The following PLEKHA2 variants were observed in gnomAD, a reference collection of about 807,000 sequenced individuals.
The protein encoded by PLEKHA2 is pleckstrin homology domain-containing family A member 2.
PLEKHA2 carries 28 observed loss-of-function variants against 53.2 expected under a neutral mutation model. That is an observed-to-expected ratio of 0.53 (90% CI 0.39 to 0.72). The LOEUF (loss-of-function observed/expected upper bound fraction) is 0.72, where lower values mean the gene tolerates loss of function less well. Among genes scored for constraint, PLEKHA2 ranks in the 30% least tolerant of loss-of-function variants. The pLI, the probability that PLEKHA2 is intolerant of heterozygous loss-of-function variation, is 0.00. For synonymous variants in PLEKHA2, 193 were observed against 196.4 expected, an observed-to-expected ratio of 0.98 and a Z score of 0.14; for missense variants, 426 against 537.9, an observed-to-expected ratio of 0.79 and a Z score of 2.06.
intron 10 of PLEKHA2, among the ~76,000 whole-genome samples, chr8:38,958,933 G>A (rs1311582515): frequency 6.6e-6 from 1 of 152,134 alleles, no homozygotes; most frequent in African/African-American, 2.4e-5. Context: ...GGAGCACAGG[G>A]GAGTTTGCAG....
intron 3 of PLEKHA2, among the ~76,000 whole-genome samples, chr8:38,942,886 T>C (rs1317463558): frequency 6.6e-6 from 1 of 152,106 alleles, no homozygotes; most frequent in Non-Finnish European, 1.5e-5. Flanking sequence ...CTGAGATATA[T>C]AGGAATGTTC....
At chr8:38,950,669 G>A in intron 5 of PLEKHA2, 181 bp from the exon 6 acceptor site, 1 of 635,022 alleles carries the variant, frequency 1.6e-6, no homozygotes. Context: ...TGTAGGGGGA[G>A]GGCGTTGCTG....
chr8:38,931,004 ATGG>A (rs777346058), intron 2 of PLEKHA2, among the ~76,000 whole-genome samples: 3 of 152,122 alleles, frequency 2.0e-5, no homozygotes, highest in Non-Finnish European at 2.9e-5. Flanking sequence ...GCCAGGAGAC[ATGG>A]TGGCCCATGC....
chr8:38,934,094 A>G (rs1024232529), intron 2 of PLEKHA2, among the ~76,000 whole-genome samples: 2 of 152,016 alleles, frequency 1.3e-5, no homozygotes, highest in Non-Finnish European at 2.9e-5. Context: ...CTCTTCCCTA[A>G]CACCCTGAGG....
chr8:38,911,415 T>G (rs1833952397), intron 1 of PLEKHA2, among the ~76,000 whole-genome samples: 1 of 152,062 alleles, frequency 6.6e-6, no homozygotes, highest in East Asian at 1.9e-4. Context: ...TTTTGTATTT[T>G]TAATGGAGAC....
intron 3 of PLEKHA2, among the ~76,000 whole-genome samples, chr8:38,937,631 C>T (rs1187905353): frequency 2.0e-5 from 3 of 152,164 alleles, no homozygotes; most frequent in South Asian, 4.1e-4. Flanking sequence ...GGTGACCTGC[C>T]GTTTAGCCCC....
intron 2 of PLEKHA2, among the ~76,000 whole-genome samples, chr8:38,928,605 G>A (rs1834331583): frequency 6.6e-6 from 1 of 152,062 alleles, no homozygotes; most frequent in Admixed American, 6.6e-5. Context: ...AAAGGGAATG[G>A]GGGTGTGGCT....
chr8:38,952,770 C>T lies in PLEKHA2; in HGVS notation c.702+66C>T, dbSNP rs919022448. On this transcript the variant is annotated intron_variant, in intron 8 of 11. Coordinates refer to ENST00000617275, the MANE Select transcript of PLEKHA2 (RefSeq NM_021623.2). ...ACTAAGAGGTGCATAGGTGCACACC[C>T]ACAGGAGAGCGTGCATGAGTGGAGA... 2.7e-6 allele frequency: 4 copies of T among 1,489,292 alleles called. No individual in the cohort carries two copies. The African/African-American group carries it at 5.5e-5, about 21-fold the overall frequency. 92.3% of individuals were successfully genotyped at this position (1,489,292 alleles called of 1,614,324 possible). A position where few individuals can be genotyped will look rare whatever the true frequency, so the allele number is the denominator to read the frequency against.
chr8:38,907,742 C>A, intron 1 of PLEKHA2, among the ~76,000 whole-genome samples: 2 of 134,154 alleles, frequency 1.5e-5, no homozygotes, highest in African/African-American at 2.8e-5. Flanking sequence ...GACTGGGAGA[C>A]AGAGTGAGAC....
chr8:38,937,973 C>A lies in PLEKHA2; in HGVS notation c.198+1923C>A, dbSNP rs114520649. On this transcript the variant is annotated intron_variant, in intron 3 of 11. Coordinates refer to ENST00000617275, the MANE Select transcript of PLEKHA2 (RefSeq NM_021623.2). ...CCAGTGATGGGAAGATGAGGACGGG[C>A]GTGTGGCCCTGGCCCTTTGGAGAGA... 5.0e-3 allele frequency among the ~76,000 whole-genome samples: 755 copies of A among 152,292 alleles called. 7 individuals are homozygous for A. Among genetic ancestry groups the A allele is most frequent in the African/African-American group, 0.018 (729 of 41,562 alleles).
In PLEKHA2 at chr8:38,928,397, C is replaced by T. The variant is rs141463038; in HGVS notation, c.142-7597C>T. ...CCGGATACCTGGGATTAAAGGTGTGCGCCACCACACCCAGCTAATGTTTGT... is the reference window on the plus strand; with the variant it reads ...CCGGATACCTGGGATTAAAGGTGTGTGCCACCACACCCAGCTAATGTTTGT... On this transcript the variant is annotated intron_variant, in intron 2 of 11. Transcript: ENST00000617275. 1.9e-4 allele frequency among the ~76,000 whole-genome samples: 29 copies of T among 152,004 alleles called. No individual in the cohort carries two copies. The East Asian group carries it at 4.3e-3, about 22-fold the overall frequency.
chr8:38,929,563 C>A (rs989873341), intron 2 of PLEKHA2, among the ~76,000 whole-genome samples: 1 of 152,246 alleles, frequency 6.6e-6, no homozygotes, highest in African/African-American at 2.4e-5. Flanking sequence ...TGACCCTGGG[C>A]AGGTTCCTTC....
rs1444614871 is a variant in PLEKHA2 at position 38,963,812 on chromosome 8, A to G, written c.838-4780A>G. 9.8e-5 allele frequency among the ~76,000 whole-genome samples: 15 copies of G among 152,338 alleles called. No individual in the cohort carries two copies. The South Asian group carries it at 3.1e-3, about 32-fold the overall frequency. On this transcript the variant is annotated intron_variant, in intron 10 of 11. Coordinates refer to ENST00000617275, the MANE Select transcript of PLEKHA2 (RefSeq NM_021623.2). ...TTTAAAATAACATTTATTAGGGAGT[A>G]GCATTTATCTTCATGGCTGAGTTAC...
At chr8:38,943,686 CAT>C in intron 3 of PLEKHA2, 101 bp from the exon 4 acceptor site, 1 of 815,508 alleles carries the variant, frequency 1.2e-6, no homozygotes, top group Non-Finnish European at 1.9e-6. Context: ...AAAATGTAGA[CAT>C]ATGTTTAATG....
intron 7 of PLEKHA2, 105 bp downstream of exon 7, chr8:38,952,417 C>A: frequency 4.1e-6 from 6 of 1,478,794 alleles, no homozygotes; most frequent in Non-Finnish European, 5.5e-6. Flanking sequence ...GTGCCTCAGT[C>A]CTCCATGGAG....
chr8:38,950,866 G>A lies in PLEKHA2; in HGVS notation c.362G>A (p.Gly121Asp), dbSNP rs1324986465. The A allele has an allele frequency of 1.9e-6, 3 of 1,613,710 alleles. No homozygotes were observed. Among genetic ancestry groups the A allele is most frequent in the East Asian group, 2.2e-5 (1 of 44,866 alleles). Residue 121 changes from glycine (G) to aspartate (D), a missense_variant, in exon 6 of 12, where the codon GGC (glycine) becomes GAC (aspartate). Coordinates refer to ENST00000617275, the MANE Select transcript of PLEKHA2 (RefSeq NM_021623.2). ...TCACCCCAGGTTCCCAAAGGTGGGG[G>A]CCTACCCATGACCACTGAAGTTCTC... is the stretch of plus-strand genomic sequence containing the variant. ...ASKITVPKGG[G>D]LPMTTEVLKS...
rs1164036902 is a variant in PLEKHA2 at position 38,968,003 on chromosome 8, TGA to T, written c.838-587_838-586del. On this transcript the variant is annotated intron_variant, in intron 10 of 11. Coordinates refer to ENST00000617275, the MANE Select transcript of PLEKHA2 (RefSeq NM_021623.2). ...TGATTTATGGTTTTGTTGTTGTTGTTGAGTTATTTGAGTTCCTTGTAAATTTC... is the reference window on the plus strand; with the variant it reads ...TGATTTATGGTTTTGTTGTTGTTGTTGTTATTTGAGTTCCTTGTAAATTTC... 3.3e-5 allele frequency among the ~76,000 whole-genome samples: 5 copies of T among 152,240 alleles called. 1 individual carries two copies. The highest frequency in any genetic ancestry group is 1.2e-4 in the African/African-American group (5 of 41,534).
chr8:38,956,967 C>T (rs760544574), intron 9 of PLEKHA2, among the ~76,000 whole-genome samples: 2 of 152,086 alleles, frequency 1.3e-5, no homozygotes, highest in African/African-American at 2.4e-5. Flanking sequence ...GCACTTCATA[C>T]ACCTTAGAGG....
chr8:38,927,636 T>C (rs1018473557), intron 2 of PLEKHA2, among the ~76,000 whole-genome samples: 1 of 152,212 alleles, frequency 6.6e-6, no homozygotes, highest in African/African-American at 2.4e-5. Flanking sequence ...GTTATATCAA[T>C]TGAGCACAGG....
Sources: allele counts gnomAD v4.1 joint callset (sites outside exome capture counted in the v4.1 genomes callset), GRCh38; gene constraint gnomAD v4.1.1; transcripts MANE v1.5; gene names NCBI Gene and HGNC (gene_info 2026-07-23, HGNC 2026-07-21).